The following RABEP1 variants were observed in gnomAD, a reference collection of about 807,000 sequenced individuals.
The protein encoded by RABEP1 is rabaptin, RAB GTPase binding effector protein 1, also known as rab GTPase-binding effector protein 1.
A neutral mutation model predicts 123.4 loss-of-function variants in RABEP1; 51 were observed. The observed-to-expected ratio is 0.41, with a 90% CI of 0.33 to 0.52. The LOEUF is 0.52. Ranked by LOEUF, RABEP1 falls within the 20% of genes least tolerant of loss-of-function variation. RABEP1 has a pLI of 0.16. For missense variants in RABEP1, 888 were observed against 996.3 expected, an observed-to-expected ratio of 0.89 and a Z score of 1.46; for synonymous variants, 347 against 355.2, an observed-to-expected ratio of 0.98 and a Z score of 0.26.
chr17:5,299,980 G>A (rs762382586), intron 1 of RABEP1, among the ~76,000 whole-genome samples: 4 of 151,490 alleles, frequency 2.6e-5, no homozygotes, highest in Admixed American at 2.0e-4. Flanking sequence ...TGCCCACCTC[G>A]GCCTCCCAAA....
intron 7 of RABEP1, among the ~76,000 whole-genome samples, chr17:5,352,537 G>T (rs1035235925): frequency 1.1e-4 from 16 of 150,358 alleles, no homozygotes; most frequent in Non-Finnish European, 2.2e-4. Context: ...CCCATTAAAA[G>T]AGTCTAAACT....
At chr17:5,331,683 G>T (rs1798071844) in intron 2 of RABEP1, among the ~76,000 whole-genome samples, 1 of 152,176 alleles carries the variant, frequency 6.6e-6, no homozygotes, top group Non-Finnish European at 1.5e-5. Flanking sequence ...ACTTAGGCCA[G>T]AGAGATTAAA....
intron 1 of RABEP1, among the ~76,000 whole-genome samples, chr17:5,301,896 A>G (rs1170166268): frequency 6.6e-6 from 1 of 152,210 alleles, no homozygotes; most frequent in Non-Finnish European, 1.5e-5. Flanking sequence ...GGATTACATT[A>G]ATCTTATGGG....
chr17:5,285,005 A>G (rs777418583), intron 1 of RABEP1, among the ~76,000 whole-genome samples: 6 of 151,776 alleles, frequency 4.0e-5, no homozygotes, highest in Non-Finnish European at 8.8e-5. Flanking sequence ...TCTGTTTTTC[A>G]TGGCCATATG....
intron 2 of RABEP1, among the ~76,000 whole-genome samples, chr17:5,329,818 C>CATATATATATAT (rs61446536): frequency 3.2e-3 from 463 of 143,056 alleles, no homozygotes; most frequent in South Asian, 4.1e-3. Flanking sequence ...TATATATGTT[C>CATATATATATAT]ATATATATAT....
intron 10 of RABEP1, 77 bp downstream of exon 10, chr17:5,363,093 G>C: frequency 1.9e-6 from 2 of 1,047,892 alleles, no homozygotes; most frequent in Non-Finnish European, 1.5e-6. Context: ...CCCCCTCTCC[G>C]GCCCCAGCCC....
intron 1 of RABEP1, among the ~76,000 whole-genome samples, chr17:5,303,541 C>T (rs925675948): frequency 6.6e-6 from 1 of 152,040 alleles, no homozygotes; most frequent in African/African-American, 2.4e-5. Context: ...TGTGCCTGTC[C>T]AATAGTTTTA....
At position 5,308,840 on chromosome 17, in the gene RABEP1, G is replaced by A. The variant is rs367642666; in HGVS notation, c.163+18G>A. 12 of 1,577,752 alleles carry A rather than the reference G, an allele frequency of 7.6e-6. No homozygotes were observed. The highest frequency in any genetic ancestry group is 5.5e-5 in the African/African-American group (4 of 73,390). On this transcript the variant is annotated intron_variant, in intron 2 of 17. Transcript: ENST00000537505. Reference sequence around the variant, plus strand: ...TAAAGAGGGTAAGTTCATAAGTCTCGCACCAACTTCAATGCGAAAACTGCC... The same window carrying A: ...TAAAGAGGGTAAGTTCATAAGTCTCACACCAACTTCAATGCGAAAACTGCC...
chr17:5,325,740 A>G (rs1214444826), intron 2 of RABEP1, among the ~76,000 whole-genome samples: 1 of 152,084 alleles, frequency 6.6e-6, no homozygotes, highest in Non-Finnish European at 1.5e-5. Context: ...ACCGACAAAT[A>G]TTTAGGGTGA....
chr17:5,381,241 C>CTA, intron 16 of RABEP1, 148 bp from the exon 17 acceptor site: 1 of 1,109,376 alleles, frequency 9.0e-7, no homozygotes. Context: ...CACGCTTGCC[C>CTA]TATAGATAAA....
chr17:5,361,868 A>T (rs1199645002), intron 9 of RABEP1, 193 bp downstream of exon 9: 1 of 570,954 alleles, frequency 1.8e-6, no homozygotes, highest in East Asian at 2.9e-5. Context: ...TGTGACAGAG[A>T]AAGGAGCTAG....
chr17:5,368,291 A>G (rs1910248784), intron 11 of RABEP1, 79 bp from the exon 12 acceptor site: 3 of 993,528 alleles, frequency 3.0e-6, no homozygotes, highest in Non-Finnish European at 4.7e-6. Context: ...TCCAGACACT[A>G]AATAGTTAGA....
At chr17:5,282,564 G>A in intron 1 of RABEP1, 44 bp downstream of exon 1, 12 of 1,126,578 alleles carry the variant, frequency 1.1e-5, no homozygotes, top group African/African-American at 4.9e-5. Flanking sequence ...CGGCCTGCCC[G>A]GCGTCGGCGT....
intron 4 of RABEP1, 101 bp from the exon 5 acceptor site, chr17:5,337,918 A>G: frequency 2.3e-6 from 3 of 1,304,082 alleles, no homozygotes; most frequent in Admixed American, 2.6e-5. Flanking sequence ...GTGTCTGGTC[A>G]AGTTACTTGT....
intron 1 of RABEP1, among the ~76,000 whole-genome samples, chr17:5,300,161 C>T (rs544262014): frequency 3.9e-5 from 6 of 152,250 alleles, no homozygotes; most frequent in African/African-American, 7.2e-5. Flanking sequence ...CCCAGCTAAG[C>T]ATTCAAGTGC....
At chr17:5,378,380 A>G (rs754545050) in intron 15 of RABEP1, 148 bp downstream of exon 15, 48 of 747,324 alleles carry the variant, frequency 6.4e-5, no homozygotes, top group Admixed American at 1.9e-4. Context: ...CCACGGGGTA[A>G]GGGTGTGCTG....
rs894759579 is a variant in RABEP1, at chr17:5,323,593, A to G, written c.164-8356A>G. On this transcript the variant is annotated intron_variant, in intron 2 of 17. Transcript: ENST00000537505. ...AGAAATCAAAGCAATCTCATTTACA[A>G]TGGCTACAAAACACACACATACACA... Among the ~76,000 whole-genome samples the G allele has an allele frequency of 3.3e-5, 5 of 151,478 alleles. No homozygotes were observed. The East Asian group carries it at 5.8e-4, about 18-fold the overall frequency.
intron 11 of RABEP1, among the ~76,000 whole-genome samples, 178 bp from the exon 12 acceptor site, chr17:5,368,192 T>G (rs1172597585): frequency 6.6e-6 from 1 of 152,224 alleles, no homozygotes; most frequent in Non-Finnish European, 1.5e-5. Context: ...CCTTGTGTTA[T>G]CTGAAAGGCC....
chr17:5,301,476 C>T (rs531921330), intron 1 of RABEP1, among the ~76,000 whole-genome samples: 141 of 152,106 alleles, frequency 9.3e-4, no homozygotes, highest in Admixed American at 3.1e-3. Context: ...TCAACTATAG[C>T]AGTACTACTG....
Sources: allele counts gnomAD v4.1 joint callset (sites outside exome capture counted in the v4.1 genomes callset), GRCh38; gene constraint gnomAD v4.1.1; transcripts MANE v1.5; gene names NCBI Gene and HGNC (gene_info 2026-07-23, HGNC 2026-07-21).